The following AP3B1 variants were observed in gnomAD, a reference collection of about 807,000 sequenced individuals.
AP3B1 encodes the protein AP-3 complex subunit beta-1.
AP3B1 carries 61 observed loss-of-function variants against 132.5 expected under a neutral mutation model. The observed-to-expected ratio is 0.46, with a 90% CI of 0.37 to 0.57. The LOEUF (loss-of-function observed/expected upper bound fraction) is 0.57. Ranked by LOEUF, AP3B1 falls within the 20% of genes least tolerant of loss-of-function variation. The pLI is 0.00. For synonymous variants in AP3B1, 388 were observed against 438.3 expected (o/e 0.89, Z 1.43); for missense variants, 1,120 against 1,289.4 (o/e 0.87, Z 2.01).
At chr5:78,116,056 G>T in intron 18 of AP3B1, 70 bp downstream of exon 18, 1 of 1,109,502 alleles carries the variant, frequency 9.0e-7, no homozygotes, top group Non-Finnish European at 1.4e-6. Context: ...TATGGATTAG[G>T]CCTTGTTTCT....
intron 11 of AP3B1, among the ~76,000 whole-genome samples, chr5:78,171,099 G>C (rs1162733133): frequency 6.6e-6 from 1 of 152,130 alleles, no homozygotes; most frequent in African/African-American, 2.4e-5. Context: ...CTATATATCT[G>C]TTTTGGTACC....
intron 22 of AP3B1, among the ~76,000 whole-genome samples, chr5:78,084,542 A>AAAAAG (rs1561394763): frequency 3.9e-4 from 59 of 149,408 alleles, no homozygotes; most frequent in African/African-American, 1.4e-3. Flanking sequence ...AAAAAAAAAA[A>AAAAAG]AAAAGAAAAG....
intron 24 of AP3B1, among the ~76,000 whole-genome samples, chr5:78,031,753 T>C: frequency 6.6e-6 from 1 of 152,242 alleles, no homozygotes; most frequent in East Asian, 1.9e-4. Flanking sequence ...TCTGTTATTG[T>C]TTATCTGCTC....
At chr5:78,155,074 CT>C (rs1235972054) in intron 14 of AP3B1, among the ~76,000 whole-genome samples, 7 of 152,126 alleles carry the variant, frequency 4.6e-5, no homozygotes, top group Admixed American at 3.3e-4. Flanking sequence ...ACAGTCTGGG[CT>C]TGTTTGTGCT....
intron 17 of AP3B1, among the ~76,000 whole-genome samples, chr5:78,124,206 G>A (rs1036276245): frequency 1.3e-5 from 2 of 152,170 alleles, no homozygotes; most frequent in African/African-American, 4.8e-5. Context: ...TGTGGGGTGG[G>A]GCGAGTGGGG....
intron 2 of AP3B1, among the ~76,000 whole-genome samples, chr5:78,246,923 G>C (rs963009681): frequency 3.3e-5 from 5 of 151,986 alleles, no homozygotes; most frequent in East Asian, 1.9e-4. Context: ...GCACTGATTG[G>C]AAATACTTCT....
intron 21 of AP3B1, among the ~76,000 whole-genome samples, chr5:78,099,637 C>G (rs1751046365): frequency 2.6e-5 from 4 of 152,102 alleles, no homozygotes. Context: ...TGGCTCACAC[C>G]TGTAATCCCA....
At chr5:78,260,183 A>G (rs1748024266) in intron 2 of AP3B1, among the ~76,000 whole-genome samples, 4 of 151,370 alleles carry the variant, frequency 2.6e-5, no homozygotes, top group East Asian at 1.9e-4. Context: ...TTTCCCATGG[A>G]AAAAAAAATA....
At chr5:78,105,489 G>A (rs1751295491) in intron 20 of AP3B1, among the ~76,000 whole-genome samples, 1 of 152,064 alleles carries the variant, frequency 6.6e-6, no homozygotes, top group Non-Finnish European at 1.5e-5. Flanking sequence ...TGATATAAAT[G>A]TGAATCTCTT....
intron 17 of AP3B1, among the ~76,000 whole-genome samples, chr5:78,123,791 G>A (rs1018535592): frequency 6.6e-5 from 10 of 151,718 alleles, no homozygotes; most frequent in African/African-American, 1.4e-4. Context: ...TCAGTGTGGC[G>A]ATTCCTCAGG....
At chr5:78,208,511 T>C (rs1324272125) in intron 7 of AP3B1, among the ~76,000 whole-genome samples, 1 of 152,176 alleles carries the variant, frequency 6.6e-6, no homozygotes, top group Non-Finnish European at 1.5e-5. Flanking sequence ...AAAATATACA[T>C]ATGTCAAATA....
intron 3 of AP3B1, among the ~76,000 whole-genome samples, chr5:78,231,657 C>T (rs567663286): frequency 5.9e-5 from 9 of 152,244 alleles, no homozygotes; most frequent in African/African-American, 1.7e-4. Flanking sequence ...CACTACCCAT[C>T]GTAATCACCA....
chr5:78,277,418 G>C (rs1748828342), intron 1 of AP3B1, among the ~76,000 whole-genome samples: 2 of 152,164 alleles, frequency 1.3e-5, no homozygotes, highest in African/African-American at 4.8e-5. Flanking sequence ...AGTAAAGAGG[G>C]AGAGAGCAAG....
intron 2 of AP3B1, among the ~76,000 whole-genome samples, chr5:78,265,096 T>A (rs997303606): frequency 6.6e-6 from 1 of 152,154 alleles, no homozygotes; most frequent in Non-Finnish European, 1.5e-5. Context: ...GAAAAAATAA[T>A]AAAAATCAAT....
At chr5:78,028,359 C>T (rs1239742753) in intron 24 of AP3B1, among the ~76,000 whole-genome samples, 1 of 150,810 alleles carries the variant, frequency 6.6e-6, no homozygotes, top group Non-Finnish European at 1.5e-5. Context: ...ACTCGGGAGG[C>T]TGAGGCAGGC....
chr5:78,254,123 G>C (rs917035779), intron 2 of AP3B1, among the ~76,000 whole-genome samples: 3 of 151,768 alleles, frequency 2.0e-5, no homozygotes, highest in African/African-American at 7.3e-5. Context: ...AAGAATTCAT[G>C]AGCTTGAAGA....
intron 15 of AP3B1, among the ~76,000 whole-genome samples, chr5:78,140,747 G>A (rs1753111690): frequency 6.6e-6 from 1 of 152,154 alleles, no homozygotes; most frequent in Non-Finnish European, 1.5e-5. Context: ...AAGTTTCCCA[G>A]AAACACCAAG....
chr5:78,062,337 T>A (rs1213764271), intron 22 of AP3B1, among the ~76,000 whole-genome samples: 1 of 152,214 alleles, frequency 6.6e-6, no homozygotes, highest in Non-Finnish European at 1.5e-5. Flanking sequence ...TCCAAATTAA[T>A]TATATTGCTA....
intron 14 of AP3B1, among the ~76,000 whole-genome samples, chr5:78,146,319 G>A (rs374197999): frequency 1.2e-4 from 19 of 152,216 alleles, no homozygotes; most frequent in African/African-American, 4.6e-4. Context: ...ACCATTTTGA[G>A]GGTTCTGCAC....
Sources: allele counts gnomAD v4.1 joint callset (sites outside exome capture counted in the v4.1 genomes callset), GRCh38; gene constraint gnomAD v4.1.1; transcripts MANE v1.5; gene names NCBI Gene and HGNC (gene_info 2026-07-23, HGNC 2026-07-21).